CSMD1: variants seen among roughly 807,000 people sequenced by gnomAD.
The protein encoded by CSMD1 is CUB and sushi domain-containing protein 1.
A neutral mutation model predicts 417.5 loss-of-function variants in CSMD1; 213 were observed. The observed-to-expected ratio is 0.51, with a 90% confidence interval of 0.46 to 0.57. CSMD1 has a LOEUF of 0.57. Ranked by LOEUF, CSMD1 falls within the 20% of genes least tolerant of loss-of-function variation. The probability of loss-of-function intolerance (pLI) is 0.00; values close to 1 mark genes in which losing one functional copy is unlikely to be tolerated. For synonymous variants in CSMD1, 2,862 were observed against 1,736.8 expected (o/e 1.65, Z -16.11); for missense variants, 6,923 against 4,529.7 (o/e 1.53, Z -15.17).
At chr8:4,464,370 G>A (rs1213238027) in intron 2 of CSMD1, among the ~76,000 whole-genome samples, 8 of 152,180 alleles carry the variant, frequency 5.3e-5, no homozygotes, top group Non-Finnish European at 8.8e-5. Flanking sequence ...AAAGAGTGAT[G>A]AAAATGCATT....
At chr8:3,198,296 G>T (rs891315526) in intron 33 of CSMD1, among the ~76,000 whole-genome samples, 1 of 152,162 alleles carries the variant, frequency 6.6e-6, no homozygotes, top group Non-Finnish European at 1.5e-5. Flanking sequence ...AGTGTTTCCA[G>T]GAGAAAAAAT....
intron 5 of CSMD1, among the ~76,000 whole-genome samples, chr8:3,962,387 G>A (rs1401452973): frequency 1.3e-5 from 2 of 152,194 alleles, no homozygotes; most frequent in Admixed American, 6.5e-5. Flanking sequence ...CACGGGCGTT[G>A]TCACCACGCA....
chr8:4,299,420 A>G (rs1797862635), intron 3 of CSMD1, among the ~76,000 whole-genome samples: 1 of 152,198 alleles, frequency 6.6e-6, no homozygotes, highest in Non-Finnish European at 1.5e-5. Flanking sequence ...GGTGATTTTC[A>G]GGATTCCTAC....
chr8:4,890,784 G>T (rs1000474339), intron 1 of CSMD1, among the ~76,000 whole-genome samples: 1 of 152,052 alleles, frequency 6.6e-6, no homozygotes, highest in African/African-American at 2.4e-5. Flanking sequence ...CTTTTGCACC[G>T]ACCTAATACA....
At position 3,223,839 on chromosome 8, in the gene CSMD1, T is replaced by G. The variant is rs1179301292; in HGVS notation, c.4374A>C (p.Pro1458=). 2.5e-6 allele frequency: 4 copies of G among 1,613,786 alleles called. No individual in the cohort carries two copies. In the South Asian group the frequency reaches 4.4e-5, roughly 18 times the overall value. ...IAACGGNLTG[P]AGVILSPNYP... ...AGTTGGGTGACAAAATAACACCTGC[T>G]GGGCCCGTCAGATTCCCTCCACAAG... Residue 1458 remains proline (P), a synonymous_variant, in exon 28 of 70, where the codon CCA becomes CCC. Coordinates refer to ENST00000635120, the MANE Select transcript of CSMD1 (RefSeq NM_033225.6).
At chr8:3,860,308 G>C (rs777134237) in intron 5 of CSMD1, among the ~76,000 whole-genome samples, 5 of 151,986 alleles carry the variant, frequency 3.3e-5, no homozygotes, top group Non-Finnish European at 7.4e-5. Flanking sequence ...TAAAAACAAA[G>C]ATCTTTTAGA....
chr8:3,481,637 G>A (rs904855063), intron 11 of CSMD1, among the ~76,000 whole-genome samples: 9 of 152,176 alleles, frequency 5.9e-5, no homozygotes, highest in Non-Finnish European at 1.2e-4. Context: ...TGATGTAGGT[G>A]GGCCCTAAAT....
intron 3 of CSMD1, among the ~76,000 whole-genome samples, chr8:4,206,327 G>A (rs1799976481): frequency 1.3e-5 from 2 of 152,010 alleles, no homozygotes; most frequent in Admixed American, 1.3e-4. Context: ...TATATCTCCT[G>A]ATGCTATCCC....
At chr8:4,260,160 C>T (rs554760597) in intron 3 of CSMD1, among the ~76,000 whole-genome samples, 2 of 152,168 alleles carry the variant, frequency 1.3e-5, no homozygotes, top group Admixed American at 6.5e-5. Context: ...TAAGTCCCAT[C>T]AGGTGGCATC....
chr8:3,542,008 T>C (rs1019328173), intron 10 of CSMD1, among the ~76,000 whole-genome samples: 1 of 150,964 alleles, frequency 6.6e-6, no homozygotes, highest in African/African-American at 2.5e-5. Context: ...AGGGACTCCA[T>C]TTCGAAAAAA....
chr8:3,970,432 C>A (rs1047698390), intron 5 of CSMD1, among the ~76,000 whole-genome samples: 1 of 152,138 alleles, frequency 6.6e-6, no homozygotes, highest in Non-Finnish European at 1.5e-5. Context: ...TTTATTACCC[C>A]AGGACATGGC....
At chr8:4,488,374 G>C (rs961179653) in intron 2 of CSMD1, among the ~76,000 whole-genome samples, 6 of 151,968 alleles carry the variant, frequency 3.9e-5, no homozygotes, top group African/African-American at 1.5e-4. Flanking sequence ...ATAGAAACTT[G>C]TTTAATCCTC....
At chr8:4,181,865 C>T (rs4106161) in intron 3 of CSMD1, among the ~76,000 whole-genome samples, 18 of 152,010 alleles carry the variant, frequency 1.2e-4, no homozygotes, top group South Asian at 6.2e-4. Context: ...CTCCTTTAGC[C>T]TAGTTGATTA....
At chr8:3,983,319 A>G (rs1410461336) in intron 5 of CSMD1, among the ~76,000 whole-genome samples, 1 of 151,728 alleles carries the variant, frequency 6.6e-6, no homozygotes, top group Non-Finnish European at 1.5e-5. Flanking sequence ...TTTAGTAGAG[A>G]TGGGGTTTCA....
chr8:4,301,995 A>T (rs1162613449), intron 3 of CSMD1, among the ~76,000 whole-genome samples: 2 of 152,238 alleles, frequency 1.3e-5, no homozygotes, highest in African/African-American at 2.4e-5. Context: ...GATATGTTAG[A>T]ACAAGTTAAT....
chr8:4,169,982 C>T (rs74806075), intron 3 of CSMD1, among the ~76,000 whole-genome samples: 7,231 of 151,740 alleles, frequency 0.048, 273 homozygotes, highest in East Asian at 0.13. Flanking sequence ...ATCCTTTGTG[C>T]ATAGAAGAGT....
Position 4,922,466 on chromosome 8 carries a change from A to G in CSMD1, c.85+71866T>C, listed in dbSNP as rs7836670. Among the ~76,000 whole-genome samples, 983 of 152,332 alleles carry G rather than the reference A, an allele frequency of 6.5e-3. 8 individuals carry two copies. Among genetic ancestry groups the G allele is most frequent in the African/African-American group, 0.023 (940 of 41,574 alleles). On this transcript the variant is annotated intron_variant, in intron 1 of 69. Coordinates refer to ENST00000635120, the MANE Select transcript of CSMD1 (RefSeq NM_033225.6). ...CAATAAGAACTTCTAATAACTTGAT[A>G]TTATCACTTTTATGTATTCTTCCTA...
At chr8:4,299,777 C>T (rs888355462) in intron 3 of CSMD1, among the ~76,000 whole-genome samples, 11 of 151,844 alleles carry the variant, frequency 7.2e-5, no homozygotes, top group African/African-American at 2.2e-4. Flanking sequence ...ATTACAGGTA[C>T]GTGCCACCAC....
intron 3 of CSMD1, among the ~76,000 whole-genome samples, chr8:4,120,495 G>A (rs978060863): frequency 1.3e-5 from 2 of 152,126 alleles, no homozygotes; most frequent in African/African-American, 4.8e-5. Flanking sequence ...AGAAGAACCA[G>A]GAGATCAATT....
Sources: allele counts gnomAD v4.1 joint callset (sites outside exome capture counted in the v4.1 genomes callset), GRCh38; gene constraint gnomAD v4.1.1; transcripts MANE v1.5; gene names NCBI Gene and HGNC (gene_info 2026-07-23, HGNC 2026-07-21).